PPM1L: variants seen among roughly 807,000 people sequenced by gnomAD.
PPM1L encodes the protein protein phosphatase 1L.
A neutral mutation model predicts 31.4 loss-of-function variants in PPM1L; 13 were observed. That is an observed-to-expected ratio of 0.41 (90% confidence interval 0.27 to 0.66). The LOEUF (loss-of-function observed/expected upper bound fraction) is 0.66. Ranked by LOEUF, PPM1L falls within the 30% of genes least tolerant of loss-of-function variation. The pLI is 0.29. For missense variants in PPM1L, 326 were observed against 453.7 expected, an observed-to-expected ratio of 0.72 and a Z score of 2.56; for synonymous variants, 184 against 175.4, an observed-to-expected ratio of 1.05 and a Z score of -0.39.
intron 1 of PPM1L, among the ~76,000 whole-genome samples, chr3:160,941,279 G>A (rs984456373): frequency 2.0e-5 from 3 of 152,160 alleles, no homozygotes; most frequent in Non-Finnish European, 2.9e-5. Context: ...GGTTAATGCT[G>A]AAATGAGTTA....
At chr3:160,854,331 T>C (rs951458073) in intron 1 of PPM1L, among the ~76,000 whole-genome samples, 2 of 152,182 alleles carry the variant, frequency 1.3e-5, no homozygotes, top group Non-Finnish European at 2.9e-5. Flanking sequence ...GGTGTTTTCC[T>C]AGTCCTTGTG....
At position 160,973,764 on chromosome 3, in the gene PPM1L, GTTTTTTTTTTT is replaced by G. The variant is rs75599237; in HGVS notation, c.574+11873_574+11883del. Among the ~76,000 whole-genome samples, 286 of 88,476 alleles carry G rather than the reference GTTTTTTTTTTT, an allele frequency of 3.2e-3. 2 individuals carry two copies. Among genetic ancestry groups the G allele is most frequent in the African/African-American group, 9.3e-3 (256 of 27,612 alleles). 58.0% of individuals were successfully genotyped at this position (88,476 alleles called of 152,430 possible). A position where few individuals can be genotyped will look rare whatever the true frequency, so the allele number is the denominator to read the frequency against. On this transcript the variant is annotated intron_variant, in intron 2 of 3. Coordinates refer to ENST00000498165, the MANE Select transcript of PPM1L (RefSeq NM_139245.4). ...GGTAAATTGCCTTCTGAAAGGCCCT[GTTTTTTTTTTT>G]TTTTTTTTTTTTTTTTTTAACCAAG...
intron 1 of PPM1L, among the ~76,000 whole-genome samples, chr3:160,856,770 A>G (rs1285310509): frequency 6.6e-6 from 1 of 152,094 alleles, no homozygotes; most frequent in Non-Finnish European, 1.5e-5. Flanking sequence ...ATTTACCTGT[A>G]TAACAAACCT....
chr3:160,970,245 A>G (rs1172118997), intron 2 of PPM1L, among the ~76,000 whole-genome samples: 1 of 152,142 alleles, frequency 6.6e-6, no homozygotes, highest in Non-Finnish European at 1.5e-5. Context: ...AAAAATGAGA[A>G]TGGTAGTATG....
chr3:160,944,464 A>G (rs1464807777), intron 1 of PPM1L, among the ~76,000 whole-genome samples: 2 of 150,668 alleles, frequency 1.3e-5, no homozygotes, highest in East Asian at 1.9e-4. Flanking sequence ...TTACCCATCC[A>G]TTTTCTCTGA....
intron 1 of PPM1L, among the ~76,000 whole-genome samples, chr3:160,930,938 G>A (rs1317197989): frequency 1.3e-5 from 2 of 152,170 alleles, no homozygotes; most frequent in Non-Finnish European, 2.9e-5. Flanking sequence ...GGTTAGATAA[G>A]TGCAGAGTGC....
chr3:160,888,081 A>G (rs1712986162), intron 1 of PPM1L, among the ~76,000 whole-genome samples: 1 of 152,346 alleles, frequency 6.6e-6, no homozygotes, highest in African/African-American at 2.4e-5. Flanking sequence ...GCAAAAACAC[A>G]CAAAATATAA....
chr3:160,781,458 G>T (rs1377336486), intron 1 of PPM1L, among the ~76,000 whole-genome samples: 1 of 152,110 alleles, frequency 6.6e-6, no homozygotes, highest in East Asian at 1.9e-4. Context: ...AGAAGTCCAT[G>T]GAAACCAAAA....
chr3:160,764,318 G>A lies in PPM1L; in HGVS notation c.399+7611G>A, dbSNP rs937296509. Among the ~76,000 whole-genome samples, 7 of 151,730 alleles carry A rather than the reference G, an allele frequency of 4.6e-5. 2 individuals are homozygous for A. On this transcript the variant is annotated intron_variant, in intron 1 of 3. Coordinates refer to ENST00000498165, the MANE Select transcript of PPM1L (RefSeq NM_139245.4). ...AGCTTCACCTTTTTTAAAACAATAT[G>A]CATTTTAAATATAATTTTACATAAT... is the stretch of plus-strand genomic sequence containing the variant.
chr3:160,843,992 A>G (rs1424794425), intron 1 of PPM1L, among the ~76,000 whole-genome samples: 3 of 152,172 alleles, frequency 2.0e-5, no homozygotes, highest in African/African-American at 7.2e-5. Context: ...CTCATCAGCT[A>G]TTGTTAATGT....
intron 2 of PPM1L, among the ~76,000 whole-genome samples, chr3:161,053,929 G>C (rs79353356): frequency 0.012 from 1,773 of 152,242 alleles, 45 homozygotes; most frequent in African/African-American, 0.041. Context: ...AAAAATATCA[G>C]AGAGGAAAAG....
chr3:160,786,207 A>ATTTTTTTT (rs35386910), intron 1 of PPM1L, among the ~76,000 whole-genome samples: 3 of 30,882 alleles, frequency 9.7e-5, no homozygotes, highest in African/African-American at 2.4e-4. Flanking sequence ...ATATATATAT[A>ATTTTTTTT]TTTTTTTTTT....
intron 2 of PPM1L, among the ~76,000 whole-genome samples, chr3:161,013,961 C>T (rs1020291102): frequency 1.3e-5 from 2 of 152,134 alleles, no homozygotes; most frequent in African/African-American, 4.8e-5. Context: ...ACTGATGGAT[C>T]TTGACTCTTT....
At chr3:161,065,303 G>A in intron 2 of PPM1L, 100 bp from the exon 3 acceptor site, 1 of 1,199,468 alleles carries the variant, frequency 8.3e-7, no homozygotes. Flanking sequence ...TCACCCAGCA[G>A]AAGCAATTTT....
At chr3:160,894,458 A>G (rs1713267412) in intron 1 of PPM1L, among the ~76,000 whole-genome samples, 1 of 152,150 alleles carries the variant, frequency 6.6e-6, no homozygotes, top group Non-Finnish European at 1.5e-5. Flanking sequence ...TGGCTGATGT[A>G]GTCTTTTGAA....
chr3:160,777,851 C>G (rs1711606341), intron 1 of PPM1L, among the ~76,000 whole-genome samples: 1 of 152,144 alleles, frequency 6.6e-6, no homozygotes, highest in African/African-American at 2.4e-5. Flanking sequence ...CTTTGAGATA[C>G]TACTTTCAAT....
At chr3:161,001,228 C>T (rs1313502725) in intron 2 of PPM1L, among the ~76,000 whole-genome samples, 1 of 152,120 alleles carries the variant, frequency 6.6e-6, no homozygotes, top group Non-Finnish European at 1.5e-5. Context: ...AAAACAAAAA[C>T]AACAACAACA....
chr3:160,872,868 A>G (rs1338605281), intron 1 of PPM1L, among the ~76,000 whole-genome samples: 1 of 152,142 alleles, frequency 6.6e-6, no homozygotes, highest in Non-Finnish European at 1.5e-5. Flanking sequence ...CAGAGCTTGC[A>G]GTGAGCCGAG....
intron 1 of PPM1L, among the ~76,000 whole-genome samples, chr3:160,921,251 G>C (rs1176475613): frequency 6.6e-6 from 1 of 152,168 alleles, no homozygotes. Flanking sequence ...GCCAGCTGTG[G>C]GGACTGGCCA....
Sources: gnomAD v4.1 joint callset for allele counts (sites outside exome capture counted in the v4.1 genomes callset) on GRCh38, gnomAD v4.1.1 for gene constraint, MANE v1.5 for transcripts, NCBI Gene and HGNC (gene_info 2026-07-23, HGNC 2026-07-21) for gene names.